Variants in TNNI3K observed in about 807,000 individuals in gnomAD.
TNNI3K encodes TNNI3 interacting kinase, also known as serine/threonine-protein kinase TNNI3K.
TNNI3K carries 140 observed loss-of-function variants against 114.5 expected under a neutral mutation model. The ratio of observed to expected loss-of-function variants is 1.22; its 90% CI spans 1.07 to 1.41. The LOEUF is 1.41. Among genes scored for constraint, TNNI3K ranks in the 40% most tolerant of loss-of-function variants. TNNI3K has a pLI of 0.00. For synonymous variants in TNNI3K, 347 were observed against 347.5 expected, an observed-to-expected ratio of 1.00 and a Z score of 0.02; for missense variants, 1,125 against 1,007.6, an observed-to-expected ratio of 1.12 and a Z score of -1.58.
intron 6 of TNNI3K, among the ~76,000 whole-genome samples, chr1:74,334,408 C>T (rs1185961494): frequency 6.6e-6 from 1 of 152,134 alleles, no homozygotes; most frequent in Non-Finnish European, 1.5e-5. Context: ...TTTGTGCTGA[C>T]ACTTCAGTGG....
At chr1:74,259,550 G>A (rs1009844456) in intron 4 of TNNI3K, among the ~76,000 whole-genome samples, 2 of 152,124 alleles carry the variant, frequency 1.3e-5, no homozygotes, top group Non-Finnish European at 2.9e-5. Flanking sequence ...GGGAGGCTGA[G>A]GCAGGTGGAT....
In TNNI3K at chr1:74,354,004, G is replaced by A. The variant is rs1270943695; in HGVS notation, c.1052G>A (p.Gly351Asp). 1 of 1,613,630 alleles carries A rather than the reference G, an allele frequency of 6.2e-7. No individual in the cohort carries two copies. ...HTGLHSACYH[G>D]HIRLVQFLLD... ...GGATTACACTCTGCTTGCTACCACGGTCACATTCGCCTGGTTCAGTTCTTA... is the reference window on the plus strand; with the variant it reads ...GGATTACACTCTGCTTGCTACCACGATCACATTCGCCTGGTTCAGTTCTTA... The change falls in exon 11 of 25, where the codon GGT becomes GAT. Residue 351 changes from glycine (G) to aspartate (D), a missense_variant. Physicochemically the swap from Gly to Asp is moderately conservative, Grantham distance 94. Transcript: ENST00000326637.
At chr1:74,353,947 T>C (rs765556370) in intron 10 of TNNI3K, 33 bp from the exon 11 acceptor site, 4 of 1,576,580 alleles carry the variant, frequency 2.5e-6, no homozygotes. Flanking sequence ...TTCTTTTTTC[T>C]CCTTTTGTTC....
chr1:74,525,258 T>G (rs1397572126), intron 23 of TNNI3K, among the ~76,000 whole-genome samples: 1 of 152,184 alleles, frequency 6.6e-6, no homozygotes, highest in African/African-American at 2.4e-5. Context: ...CTCCTGTGTG[T>G]TAGGGATTCT....
intron 20 of TNNI3K, among the ~76,000 whole-genome samples, chr1:74,451,391 C>T (rs571546521): frequency 5.3e-5 from 8 of 151,964 alleles, no homozygotes; most frequent in South Asian, 2.1e-4. Flanking sequence ...ACATGTTTCC[C>T]GAGAACTTAA....
chr1:74,408,787 A>G (rs699843), intron 17 of TNNI3K, among the ~76,000 whole-genome samples: 141,359 of 152,274 alleles, frequency 0.93, 65,633 homozygotes, highest in East Asian at 0.98. Flanking sequence ...TATTGTCAGA[A>G]TCCTTCAGAC....
chr1:74,512,211 T>TA (rs1670263788), intron 23 of TNNI3K, among the ~76,000 whole-genome samples: 1 of 152,222 alleles, frequency 6.6e-6, no homozygotes, highest in Non-Finnish European at 1.5e-5. Context: ...CTGTGTTTAC[T>TA]GTCAGTGATT....
At chr1:74,410,947 T>G (rs1664850824) in intron 17 of TNNI3K, among the ~76,000 whole-genome samples, 1 of 152,194 alleles carries the variant, frequency 6.6e-6, no homozygotes, top group African/African-American at 2.4e-5. Flanking sequence ...AAGCAAAGGT[T>G]TTTCTCTTTA....
At chr1:74,263,912 A>G (rs1655817636) in intron 4 of TNNI3K, among the ~76,000 whole-genome samples, 1 of 152,034 alleles carries the variant, frequency 6.6e-6, no homozygotes, top group South Asian at 2.1e-4. Flanking sequence ...TTCAAGTAGC[A>G]TGTATTTACT....
At chr1:74,514,014 C>G (rs1383090503) in intron 23 of TNNI3K, among the ~76,000 whole-genome samples, 1 of 152,162 alleles carries the variant, frequency 6.6e-6, no homozygotes. Context: ...GCCTCTCTCT[C>G]CCTTGAAAAG....
chr1:74,488,352 G>A (rs989959490), intron 21 of TNNI3K, among the ~76,000 whole-genome samples: 11 of 152,258 alleles, frequency 7.2e-5, no homozygotes, highest in African/African-American at 2.4e-4. Flanking sequence ...TCAGGGGTGG[G>A]CTAGATAGTA....
intron 20 of TNNI3K, among the ~76,000 whole-genome samples, chr1:74,445,778 C>CT (rs1411138762): frequency 6.6e-6 from 1 of 151,532 alleles, no homozygotes; most frequent in East Asian, 2.0e-4. Context: ...GCCTGGCTAA[C>CT]TTTTTGTATT....
intron 4 of TNNI3K, among the ~76,000 whole-genome samples, chr1:74,255,290 C>T (rs952933546): frequency 2.7e-5 from 4 of 145,770 alleles, no homozygotes; most frequent in African/African-American, 1.0e-4. Context: ...GGAGGCGGAG[C>T]TTGCAGTGAG....
At chr1:74,445,846 G>A (rs1171803599) in intron 20 of TNNI3K, among the ~76,000 whole-genome samples, 5 of 151,972 alleles carry the variant, frequency 3.3e-5, no homozygotes, top group South Asian at 2.1e-4. Flanking sequence ...TCCTGACCTC[G>A]TGATCCGCCC....
intron 21 of TNNI3K, among the ~76,000 whole-genome samples, chr1:74,476,136 C>T (rs1007861888): frequency 2.6e-5 from 4 of 152,146 alleles, no homozygotes; most frequent in Admixed American, 1.3e-4. Context: ...TTTCGGTCTA[C>T]GTCACCTCCT....
intron 5 of TNNI3K, among the ~76,000 whole-genome samples, chr1:74,313,905 G>A (rs1054647902): frequency 2.0e-5 from 3 of 151,778 alleles, no homozygotes; most frequent in Admixed American, 6.6e-5. Flanking sequence ...TAGGTAAATT[G>A]TACCAAATCA....
intron 6 of TNNI3K, among the ~76,000 whole-genome samples, chr1:74,334,949 T>A (rs1240011144): frequency 6.6e-6 from 1 of 152,156 alleles, no homozygotes; most frequent in African/African-American, 2.4e-5. Flanking sequence ...ATGACAAAAG[T>A]AGGTTTTCAA....
chr1:74,420,007 A>T (rs1243898251), intron 17 of TNNI3K, among the ~76,000 whole-genome samples: 1 of 152,118 alleles, frequency 6.6e-6, no homozygotes, highest in Non-Finnish European at 1.5e-5. Flanking sequence ...AGGAGAGAAT[A>T]CATTCAAATG....
chr1:74,393,536 T>C (rs1261302515), intron 17 of TNNI3K, among the ~76,000 whole-genome samples: 1 of 152,198 alleles, frequency 6.6e-6, no homozygotes, highest in East Asian at 1.9e-4. Context: ...AGGCAATTTC[T>C]ATCTCTTGTG....
Sources: gnomAD v4.1 joint callset for allele counts (sites outside exome capture counted in the v4.1 genomes callset) on GRCh38, gnomAD v4.1.1 for gene constraint, MANE v1.5 for transcripts, NCBI Gene and HGNC (gene_info 2026-07-23, HGNC 2026-07-21) for gene names.